Variants in ACOT12 observed in about 807,000 individuals in gnomAD.
ACOT12 encodes the protein acetyl-coenzyme A thioesterase.
ACOT12 carries 51 observed loss-of-function variants against 67.7 expected under a neutral mutation model. That is an observed-to-expected ratio of 0.75 (90% confidence interval 0.60 to 0.95). The LOEUF is 0.95. ACOT12 is among the 40% of genes least tolerant of loss of function. The pLI, the probability that ACOT12 is intolerant of heterozygous loss-of-function variation, is 0.00. For synonymous variants in ACOT12, 251 were observed against 244.6 expected, an observed-to-expected ratio of 1.03 and a Z score of -0.24; for missense variants, 734 against 708.1, an observed-to-expected ratio of 1.04 and a Z score of -0.41.
chr5:81,358,586 A>G (rs1050009208), intron 5 of ACOT12, among the ~76,000 whole-genome samples: 2 of 152,244 alleles, frequency 1.3e-5, no homozygotes, highest in African/African-American at 2.4e-5. Flanking sequence ...ACAGTGGCTC[A>G]TGCCTGTAAT....
Position 81,388,803 on chromosome 5 carries a change from T to C in ACOT12, c.128-2977A>G, listed in dbSNP as rs150197552. 1.8e-3 allele frequency among the ~76,000 whole-genome samples: 271 copies of C among 152,230 alleles called. 1 individual carries two copies. Among genetic ancestry groups the C allele is most frequent in the African/African-American group, 6.2e-3 (259 of 41,538 alleles). ...GTGGGAAGGAACCGGTGGGAGATAA[T>C]TGAATCATGGGGGCAGGTCTTTCCT... On this transcript the variant is annotated intron_variant, in intron 1 of 14. Transcript: ENST00000307624.
At chr5:81,324,477 G>A in the ACOT12 span, among the ~76,000 whole-genome samples, 2 of 152,192 alleles carry the variant, frequency 1.3e-5, no homozygotes, top group African/African-American at 4.8e-5. Flanking sequence ...AAGTACTTAA[G>A]TATACAAGCA....
chr5:81,390,584 A>G (rs946647967), intron 1 of ACOT12, among the ~76,000 whole-genome samples: 1 of 150,922 alleles, frequency 6.6e-6, no homozygotes, highest in Non-Finnish European at 1.5e-5. Flanking sequence ...GCTCACTGCA[A>G]TCTCCACCTC....
At chr5:81,353,818 A>G (rs1356564554) in intron 5 of ACOT12, among the ~76,000 whole-genome samples, 1 of 152,212 alleles carries the variant, frequency 6.6e-6, no homozygotes, top group East Asian at 1.9e-4. Context: ...CATCTTGAAA[A>G]ATATTCCAAT....
rs1580579586 is a variant in ACOT12 at position 81,371,359 on chromosome 5, C to T, written c.258+391G>A. 2.0e-5 allele frequency among the ~76,000 whole-genome samples: 3 copies of T among 152,148 alleles called. No homozygotes were observed. The Middle Eastern group carries it at 0.01, about 518-fold the overall frequency. On this transcript the variant is annotated intron_variant, in intron 3 of 14. Coordinates refer to ENST00000307624, the MANE Select transcript of ACOT12 (RefSeq NM_130767.3). ...CCTCAAACTCCTGGGCTCAAGCAAT[C>T]CGCCCACCTCCGTCTCCTGAGTACC...
chr5:81,309,008 C>A, the ACOT12 span: 1 of 1,612,744 alleles, frequency 6.2e-7, no homozygotes, highest in Non-Finnish European at 8.5e-7. Context: ...TAGATCTTGT[C>A]CTGATAATCC....
At chr5:81,348,011 A>C (rs1427730721) in intron 5 of ACOT12, 81 bp from the exon 6 acceptor site, 27 of 1,440,992 alleles carry the variant, frequency 1.9e-5, no homozygotes, top group Non-Finnish European at 2.4e-5. Context: ...CCGGCAGTAC[A>C]TTCAACTCGG....
intron 5 of ACOT12, among the ~76,000 whole-genome samples, chr5:81,351,184 T>A (rs1759541866): frequency 6.6e-6 from 1 of 152,230 alleles, no homozygotes; most frequent in South Asian, 2.1e-4. Flanking sequence ...AAATACACAA[T>A]CTTAATCCCT....
At chr5:81,388,946 A>G (rs1445399240) in intron 1 of ACOT12, among the ~76,000 whole-genome samples, 3 of 152,150 alleles carry the variant, frequency 2.0e-5, no homozygotes, top group Admixed American at 1.3e-4. Flanking sequence ...AGTGCCTTCC[A>G]CCTTCCACCA....
chr5:81,331,171 A>G (rs1218338771), intron 13 of ACOT12, among the ~76,000 whole-genome samples: 1 of 152,178 alleles, frequency 6.6e-6, no homozygotes, highest in Non-Finnish European at 1.5e-5. Context: ...ACTCCATGAA[A>G]CTGGAGTCAA....
intron 2 of ACOT12, among the ~76,000 whole-genome samples, chr5:81,378,692 C>G (rs1760490992): frequency 6.6e-6 from 1 of 152,096 alleles, no homozygotes; most frequent in African/African-American, 2.4e-5. Flanking sequence ...AGATACTTCT[C>G]AAAAGAAGAT....
At position 81,361,546 on chromosome 5, in the gene ACOT12, G is replaced by A. The variant is rs1759910125; in HGVS notation, c.361-1508C>T. 3.9e-5 allele frequency among the ~76,000 whole-genome samples: 6 copies of A among 152,222 alleles called. No homozygotes were observed. In the South Asian group the frequency reaches 1.2e-3, roughly 32 times the overall value. ...TGTTGTTTTAGTTGTGTGACTAGCA[G>A]GGTATACAAGACTGCTTGGTAAACT... On this transcript the variant is annotated intron_variant, in intron 4 of 14. Transcript: ENST00000307624.
chr5:81,343,281 C>T (rs946564087), intron 10 of ACOT12, among the ~76,000 whole-genome samples: 1 of 151,834 alleles, frequency 6.6e-6, no homozygotes, highest in South Asian at 2.1e-4. Flanking sequence ...CTACAGGTAA[C>T]ATATACTTTT....
chr5:81,384,833 G>A (rs1365571672), intron 2 of ACOT12, among the ~76,000 whole-genome samples: 1 of 152,222 alleles, frequency 6.6e-6, no homozygotes, highest in Non-Finnish European at 1.5e-5. Context: ...AAGAGTGTCT[G>A]TGAGTTGATA....
At position 81,360,258 on chromosome 5, in the gene ACOT12, T is replaced by C. The variant is rs1401545179; in HGVS notation, c.361-220A>G. 3.9e-5 allele frequency among the ~76,000 whole-genome samples: 6 copies of C among 152,312 alleles called. No individual in the cohort carries two copies. In the East Asian group the frequency reaches 1.2e-3, roughly 29 times the overall value. On this transcript the variant is annotated intron_variant, in intron 4 of 14. Coordinates refer to ENST00000307624, the MANE Select transcript of ACOT12 (RefSeq NM_130767.3). ...GTAATTATTTCTTCATGCAATAAGA[T>C]ATGTGCTTTAAAAATTCTCTCTATT...
At chr5:81,322,890 G>A in the ACOT12 span, among the ~76,000 whole-genome samples, 1 of 152,016 alleles carries the variant, frequency 6.6e-6, no homozygotes, top group Admixed American at 6.5e-5. Flanking sequence ...AACAGCACGG[G>A]AGAATTCGCC....
At position 81,347,931 on chromosome 5, in the gene ACOT12, C is replaced by T. The variant is rs1759432823; in HGVS notation, c.497-1G>A. Reference sequence around the variant, plus strand: ...CCTTCCTCTTCATCAAAAATGAGATCTGAAAGGTGGATGTAAACATTAATG... The same window carrying T: ...CCTTCCTCTTCATCAAAAATGAGATTTGAAAGGTGGATGTAAACATTAATG... On this transcript the variant is annotated splice_acceptor_variant, in intron 5 of 14. Coordinates refer to ENST00000307624, the MANE Select transcript of ACOT12 (RefSeq NM_130767.3). LOFTEE classifies it high-confidence loss of function. 1 of 1,612,674 alleles carries T rather than the reference C, an allele frequency of 6.2e-7. No homozygotes were observed. The highest frequency in any genetic ancestry group is 1.3e-5 in the African/African-American group (1 of 74,902).
intron 1 of ACOT12, among the ~76,000 whole-genome samples, chr5:81,386,995 A>ATTT (rs869281800): frequency 3.0e-4 from 24 of 81,328 alleles, no homozygotes; most frequent in East Asian, 8.8e-4. Flanking sequence ...GATGAGTTCC[A>ATTT]TTTTTTTTTT....
chr5:81,340,151 C>A (rs1298861054), intron 11 of ACOT12, among the ~76,000 whole-genome samples: 3 of 148,614 alleles, frequency 2.0e-5, no homozygotes, highest in Non-Finnish European at 4.5e-5. Flanking sequence ...GATTCTCATG[C>A]CTAAGCCTCC....
Sources: gnomAD v4.1 joint callset for allele counts (sites outside exome capture counted in the v4.1 genomes callset) on GRCh38, gnomAD v4.1.1 for gene constraint, MANE v1.5 for transcripts, NCBI Gene and HGNC (gene_info 2026-07-23, HGNC 2026-07-21) for gene names.